PPP1R10: variants seen among roughly 807,000 people sequenced by gnomAD.
The protein encoded by PPP1R10 is serine/threonine-protein phosphatase 1 regulatory subunit 10.
A neutral mutation model predicts 99.0 loss-of-function variants in PPP1R10; 15 were observed. The ratio of observed to expected loss-of-function variants is 0.15; its 90% CI spans 0.10 to 0.23. The LOEUF (loss-of-function observed/expected upper bound fraction) is 0.23, where lower values mean the gene tolerates loss of function less well. Among genes scored for constraint, PPP1R10 ranks in the 10% least tolerant of loss-of-function variants. The pLI, the probability that PPP1R10 is intolerant of heterozygous loss-of-function variation, is 1.00. For synonymous variants in PPP1R10, 430 were observed against 449.5 expected, an observed-to-expected ratio of 0.96 and a Z score of 0.55; for missense variants, 947 against 1,259.4, an observed-to-expected ratio of 0.75 and a Z score of 3.75.
rs1254443582 is a variant in PPP1R10 at position 30,604,010 on chromosome 6, C to T, written c.1506G>A (p.Glu502=). 1.9e-6 allele frequency: 3 copies of T among 1,590,190 alleles called. No homozygotes were observed. The highest frequency in any genetic ancestry group is 8.6e-7 in the Non-Finnish European group (1 of 1,167,202). Residue 502 remains glutamate, a splice_region_variant and synonymous_variant, in exon 14 of 20, where the codon GAG becomes GAA. Coordinates refer to ENST00000376511, the MANE Select transcript of PPP1R10 (RefSeq NM_002714.4). This position sits in a 1 kb window ranked among gnomAD's most constrained non-coding sequence, Gnocchi z 7.3. ...GILQELFLNK[E]SPHEPDPEPY... is the part of the protein sequence containing the mutation. The stretch of plus-strand genomic sequence containing the variant: ...GGCACGAACCCCACTCTGCTCACCT[C>T]TCCTTGTTCAGGAAGAGCTCCTGAA...
At chr6:30,614,538 A>G (rs964351084) in intron 2 of PPP1R10, 1 of 152,188 alleles carries the variant, frequency 6.6e-6, no homozygotes, top group Non-Finnish European at 1.5e-5. Flanking sequence ...GAAAGTCCTA[A>G]AAGTACCCAC....
At chr6:30,605,137 T>C (rs766165996) in intron 10 of PPP1R10, 43 bp from the exon 11 acceptor site, 4 of 1,553,244 alleles carry the variant, frequency 2.6e-6, no homozygotes, top group Non-Finnish European at 3.5e-6. Context: ...CAGACCTCCT[T>C]CATAATCCTA....
intron 5 of PPP1R10, 42 bp downstream of exon 5, chr6:30,608,737 A>G: frequency 6.2e-7 from 1 of 1,600,924 alleles, no homozygotes; most frequent in Non-Finnish European, 8.5e-7. Flanking sequence ...CCATTAGACT[A>G]AACCAAAAAA....
chr6:30,603,675 A>C lies in PPP1R10; in HGVS notation c.1573-9T>G. 2 of 1,574,284 alleles carry C rather than the reference A, an allele frequency of 1.3e-6. No individual in the cohort carries two copies. On this transcript the variant is annotated splice_polypyrimidine_tract_variant and intron_variant, in intron 15 of 19. Coordinates refer to ENST00000376511, the MANE Select transcript of PPP1R10 (RefSeq NM_002714.4). ...TCATCCATGGAACACTCCTGAAAGA[A>C]GAACAAAAAAAATCAGGATTGACAG...
At chr6:30,615,591 A>G (rs146534234) in intron 2 of PPP1R10, among the ~76,000 whole-genome samples, 1 of 152,218 alleles carries the variant, frequency 6.6e-6, no homozygotes, top group East Asian at 1.9e-4. Context: ...TAACGACACA[A>G]ATCTTTTAGA....
At chr6:30,608,099 C>T (rs1297185955) in intron 5 of PPP1R10, among the ~76,000 whole-genome samples, 2 of 151,716 alleles carry the variant, frequency 1.3e-5, no homozygotes, top group Admixed American at 6.6e-5. Flanking sequence ...AATGATTCTC[C>T]CACCTGAGCC....
rs1804350201 is a variant in PPP1R10, at chr6:30,609,717, A to G, written c.107+121T>C. ...CCTAAAATTGTTACATTTTAATCCTATTGCACTGACTATCTTTCCCTTTCC... is the reference window on the plus strand; with the variant it reads ...CCTAAAATTGTTACATTTTAATCCTGTTGCACTGACTATCTTTCCCTTTCC... On this transcript the variant is annotated intron_variant, in intron 3 of 19. Coordinates refer to ENST00000376511, the MANE Select transcript of PPP1R10 (RefSeq NM_002714.4). The surrounding 1 kb of genome is among the most constrained non-coding windows in gnomAD (Gnocchi z 4.5). 2 of 841,134 alleles carry G rather than the reference A, an allele frequency of 2.4e-6. No individual in the cohort carries two copies. The highest frequency in any genetic ancestry group is 4.0e-6 in the Non-Finnish European group (2 of 503,252). 52.1% of individuals were successfully genotyped at this position (841,134 alleles called of 1,614,324 possible).
chr6:30,605,860 C>CAAAAAAAAAAAAAAAAAAAAAAAAAAAA (rs9278740), intron 10 of PPP1R10, 63 bp downstream of exon 10: 2 of 1,199,846 alleles, frequency 1.7e-6, no homozygotes, highest in Admixed American at 2.5e-5. Context: ...ACTCTGTCTC[C>CAAAAAAAAAAAAAAAAAAAAAAAAAAAA]AAAAAAAAAA....
chr6:30,604,767 G>A lies in PPP1R10; in HGVS notation c.955-32C>T, dbSNP rs1377021552. On this transcript the variant is annotated intron_variant, in intron 11 of 19. Coordinates refer to ENST00000376511, the MANE Select transcript of PPP1R10 (RefSeq NM_002714.4). The surrounding 1 kb of genome is among the most constrained non-coding windows in gnomAD (Gnocchi z 7.3). ...TGAAAGAAAAGGAAGTTAATGAACT[G>A]ACTGGAAAGCCAAGGGCAAGGCAAT... 6.2e-7 allele frequency: 1 copy of A among 1,612,612 alleles called. No individual in the cohort carries two copies. Among genetic ancestry groups the A allele is most frequent in the Admixed American group, 1.7e-5 (1 of 59,986 alleles).
At chr6:30,601,772 T>C in intron 19 of PPP1R10, 114 bp from the exon 20 acceptor site, 2 of 1,329,398 alleles carry the variant, frequency 1.5e-6, no homozygotes, top group Middle Eastern at 1.8e-4. Flanking sequence ...ATCTTGGGGA[T>C]TTGGGGGAAG....
At chr6:30,614,478 G>T (rs1179897567) in intron 2 of PPP1R10, 1 of 152,126 alleles carries the variant, frequency 6.6e-6, no homozygotes, top group Non-Finnish European at 1.5e-5. Context: ...ATACAGCACT[G>T]AATACAGTTT....
At position 30,606,961 on chromosome 6, in the gene PPP1R10, G is replaced by A. The variant is rs1442069413; in HGVS notation, c.383-105C>T. On this transcript the variant is annotated intron_variant, in intron 6 of 19. Coordinates refer to ENST00000376511, the MANE Select transcript of PPP1R10 (RefSeq NM_002714.4). The surrounding 1 kb of genome is among the most constrained non-coding windows in gnomAD (Gnocchi z 6.3). ...AAATATTGTGAAAATTTATGTAACG[G>A]AGAAAGTAACCCAAAGTTTTAAGAA... 19 of 1,069,624 alleles carry A rather than the reference G, an allele frequency of 1.8e-5. No individual in the cohort carries two copies. In the East Asian group the frequency reaches 3.6e-4, roughly 20 times the overall value. The allele number at this position is 1,069,624 out of a possible 1,614,324, so 66.3% of individuals were successfully genotyped here.
Position 30,602,172 on chromosome 6 carries a change from C to T in PPP1R10, c.2477G>A (p.Gly826Asp). The T allele has an allele frequency of 6.2e-7, 1 of 1,610,842 alleles. No individual in the cohort carries two copies. Among genetic ancestry groups the T allele is most frequent in the Non-Finnish European group, 8.5e-7 (1 of 1,179,154 alleles). The change falls in exon 19 of 20, where the codon GGT becomes GAT. Residue 826 changes from glycine to aspartate, a missense_variant. Around this residue, in one of 10 missense-constraint regions of PPP1R10, gnomAD observed 525 missense variants for 578.8 expected, o/e 0.91. Transcript: ENST00000376511. This position sits in a 1 kb window ranked among gnomAD's most constrained non-coding sequence, Gnocchi z 6.7. ...GCCTTCGTGGGGGCGATGTCCACCA[C>T]CGGCACCCATTCCTCCGCCAGGGCC... The part of the protein sequence containing the change: ...HEGPGGGMGA[G>D]GGHRPHEGPG...
In PPP1R10 at chr6:30,601,968, CGGT is replaced by C; in HGVS notation, c.2678_2680del (p.His893del). ...ATGGCTGTGGCCTCCATCGTGCCCTCGGTGGCCCCCTCCCCCGTGGCCAGGACC... is the reference window on the plus strand; with the variant it reads ...ATGGCTGTGGCCTCCATCGTGCCCTCGGCCCCCTCCCCCGTGGCCAGGACC... On this transcript the variant is annotated inframe_deletion, in exon 19 of 20. Coordinates refer to ENST00000376511, the MANE Select transcript of PPP1R10 (RefSeq NM_002714.4). 6.6e-7 allele frequency: 1 copy of C among 1,512,058 alleles called. No individual in the cohort carries two copies. Among genetic ancestry groups the C allele is most frequent in the African/African-American group, 1.4e-5 (1 of 71,678 alleles). The allele number at this position is 1,512,058 out of a possible 1,614,324, so 93.7% of individuals were successfully genotyped here.
At position 30,604,591 on chromosome 6, in the gene PPP1R10, T is replaced by G; in HGVS notation, c.1099A>C (p.Thr367Pro). ...PPVEVPELMD[T>P]ASLEPGALDA... ...ACTGAACCAGTTTCTAGATTACCTG[T>G]ATCCATGAGCTCCGGGACTTCAACA... Residue 367 changes from threonine to proline, a missense_variant, in exon 12 of 20, where the codon ACA becomes CCA. This residue lies in a region of PPP1R10 where 100 missense variants were observed against 105.8 expected (regional missense o/e 0.94). Coordinates refer to ENST00000376511, the MANE Select transcript of PPP1R10 (RefSeq NM_002714.4). The surrounding 1 kb of genome is among the most constrained non-coding windows in gnomAD (Gnocchi z 7.3). 1 of 1,613,042 alleles carries G rather than the reference T, an allele frequency of 6.2e-7. No homozygotes were observed. Among genetic ancestry groups the G allele is most frequent in the Non-Finnish European group, 8.5e-7 (1 of 1,180,018 alleles).
chr6:30,616,756 GTTGA>G lies in PPP1R10; in HGVS notation c.-294_-291del, dbSNP rs992388879. On this transcript the variant is annotated 5_prime_UTR_variant, in exon 2 of 20. Transcript: ENST00000376511. ...TTGGGTGGTTTGGGAAGGGAGGGTG[GTTGA>G]TTATTTTTGAAGTTATGTAGTGACG... The G allele has an allele frequency of 2.3e-4, 35 of 152,262 alleles. No individual in the cohort carries two copies. The highest frequency in any genetic ancestry group is 5.5e-4 in the African/African-American group (23 of 41,548). The allele number at this position is 152,262 out of a possible 1,614,324, so 9.4% of individuals were successfully genotyped here.
intron 10 of PPP1R10, 30 bp from the exon 11 acceptor site, chr6:30,605,124 C>T (rs1803794295): frequency 6.3e-7 from 1 of 1,583,244 alleles, no homozygotes; most frequent in Non-Finnish European, 8.7e-7. Context: ...CAAATGGCAT[C>T]ATCAGACCTC....
Position 30,601,969 on chromosome 6 carries a change from G to A in PPP1R10, c.2680C>T (p.Arg894Ter), listed in dbSNP as rs1205045119. 6.6e-7 allele frequency: 1 copy of A among 1,512,004 alleles called. No homozygotes were observed. The highest frequency in any genetic ancestry group is 8.8e-7 in the Non-Finnish European group (1 of 1,131,272). 93.7% of individuals were successfully genotyped at this position (1,512,004 alleles called of 1,614,324 possible). A position where few individuals can be genotyped will look rare whatever the true frequency, so the allele number is the denominator to read the frequency against. ...DGPGHGGGGH[R>*]GHDGGHSHGG... is the part of the protein sequence containing the mutation. ...TGGCTGTGGCCTCCATCGTGCCCTC[G>A]GTGGCCCCCTCCCCCGTGGCCAGGA... The change falls in exon 19 of 20, where the codon CGA becomes TGA. Residue 894 changes from arginine to a stop codon, truncating the protein, a stop_gained. Coordinates refer to ENST00000376511, the MANE Select transcript of PPP1R10 (RefSeq NM_002714.4). LOFTEE classifies it high-confidence loss of function.
At chr6:30,616,111 C>T (rs1378590011) in intron 2 of PPP1R10, among the ~76,000 whole-genome samples, 1 of 152,140 alleles carries the variant, frequency 6.6e-6, no homozygotes. Flanking sequence ...GCTCATTAAC[C>T]CTTTTGAAGA....
Sources: gnomAD v4.1 joint callset for allele counts (sites outside exome capture counted in the v4.1 genomes callset) on GRCh38, gnomAD v4.1.1 for gene constraint, gnomAD v4.1.1 regional missense constraint, Gnocchi (gnomAD v3.1) non-coding constraint, MANE v1.5 for transcripts, NCBI Gene and HGNC (gene_info 2026-07-23, HGNC 2026-07-21) for gene names.